Variants in GRIN2B observed in about 807,000 individuals in gnomAD.
The protein encoded by GRIN2B is glutamate receptor ionotropic, NMDA 2B.
Under a neutral mutation model 114.5 loss-of-function variants are expected in GRIN2B, and 5 were observed. That is an observed-to-expected ratio of 0.04 (90% CI 0.02 to 0.09). GRIN2B has a LOEUF of 0.09. GRIN2B is among the 10% of genes least tolerant of loss of function. The pLI is 1.00. For missense variants in GRIN2B, 1,108 were observed against 1,943.5 expected, an observed-to-expected ratio of 0.57 and a Z score of 8.08; for synonymous variants, 787 against 745.1, an observed-to-expected ratio of 1.06 and a Z score of -0.92.
intron 10 of GRIN2B, among the ~76,000 whole-genome samples, chr12:13,589,761 G>A (rs985842181): frequency 4.6e-5 from 7 of 152,124 alleles, no homozygotes; most frequent in African/African-American, 1.2e-4. Context: ...AATTTGCCAG[G>A]AAAAACCCTA....
chr12:13,684,613 T>C (rs183941732), intron 4 of GRIN2B, among the ~76,000 whole-genome samples: 1 of 152,328 alleles, frequency 6.6e-6, no homozygotes, highest in African/African-American at 2.4e-5. Flanking sequence ...GTAGCTTTTC[T>C]GCATAATGTT....
Position 13,879,367 on chromosome 12 carries a change from C to T in GRIN2B, c.-18-13141G>A, listed in dbSNP as rs572621825. 1.6e-4 allele frequency among the ~76,000 whole-genome samples: 25 copies of T among 152,088 alleles called. 1 individual carries two copies. Among genetic ancestry groups the T allele is most frequent in the Admixed American group, 1.5e-3 (23 of 15,278 alleles). Reference sequence around the variant, plus strand: ...ATCTAACATAGAAGATGTGCAGTAACGATACAGTATTATGATCTTACAGAA... The same window carrying T: ...ATCTAACATAGAAGATGTGCAGTAATGATACAGTATTATGATCTTACAGAA... On this transcript the variant is annotated intron_variant, in intron 2 of 13. Transcript: ENST00000609686.
intron 2 of GRIN2B, among the ~76,000 whole-genome samples, chr12:13,953,251 G>T (rs1393041632): frequency 2.0e-5 from 3 of 152,032 alleles, no homozygotes; most frequent in East Asian, 3.9e-4. Flanking sequence ...TTCTGACCTG[G>T]CCTCAGAAGT....
intron 12 of GRIN2B, among the ~76,000 whole-genome samples, chr12:13,568,700 G>C (rs1486053272): frequency 6.6e-6 from 1 of 152,232 alleles, no homozygotes; most frequent in Non-Finnish European, 1.5e-5. Context: ...TTGGCTGATG[G>C]CTGGTGAAGC....
intron 3 of GRIN2B, among the ~76,000 whole-genome samples, chr12:13,775,864 G>A (rs1863994280): frequency 1.3e-5 from 2 of 152,120 alleles, no homozygotes; most frequent in Admixed American, 6.5e-5. Context: ...CTTCCCCAGT[G>A]TGGCAATTCC....
Position 13,927,982 on chromosome 12 carries a change from A to AAAAAAAAAAG in GRIN2B, c.-19+51945_-19+51946insCTTTTTTTTT, listed in dbSNP as rs71067738. ...ACCCTGTCTCAAAAAAAAAAAAAAA[A>AAAAAAAAAAG]GGGGGGGTATGCTGTGGAAAGGATG... On this transcript the variant is annotated intron_variant, in intron 2 of 13. Coordinates refer to ENST00000609686, the MANE Select transcript of GRIN2B (RefSeq NM_000834.5). Among the ~76,000 whole-genome samples, 280 of 129,062 alleles carry AAAAAAAAAAG rather than the reference A, an allele frequency of 2.2e-3. 1 individual carries two copies. The highest frequency in any genetic ancestry group is 4.6e-3 in the Middle Eastern group (1 of 218). The allele number at this position is 129,062 out of a possible 152,430, so 84.7% of individuals were successfully genotyped here. A position where few individuals can be genotyped will look rare whatever the true frequency, so the allele number is the denominator to read the frequency against.
intron 3 of GRIN2B, among the ~76,000 whole-genome samples, chr12:13,766,408 A>G (rs1279066881): frequency 6.6e-6 from 1 of 152,164 alleles, no homozygotes; most frequent in Non-Finnish European, 1.5e-5. Flanking sequence ...AGTTTTGTGC[A>G]GTGAGCAAAG....
At chr12:13,643,412 T>G (rs1034002188) in intron 5 of GRIN2B, among the ~76,000 whole-genome samples, 1 of 152,176 alleles carries the variant, frequency 6.6e-6, no homozygotes, top group African/African-American at 2.4e-5. Flanking sequence ...TTAAAAATAC[T>G]TCGTTGCTAG....
chr12:13,821,132 T>C (rs1245523450), intron 3 of GRIN2B, among the ~76,000 whole-genome samples: 1 of 152,080 alleles, frequency 6.6e-6, no homozygotes, highest in Non-Finnish European at 1.5e-5. Context: ...TTTTCTTGAA[T>C]GCTTTCCTAC....
At chr12:13,611,649 A>G in intron 9 of GRIN2B, 76 bp downstream of exon 9, 1 of 1,393,178 alleles carries the variant, frequency 7.2e-7, no homozygotes, top group South Asian at 1.2e-5. Context: ...AAATGCAGAT[A>G]ACAAATGAGG....
chr12:13,691,789 A>G (rs1254162722), intron 4 of GRIN2B, among the ~76,000 whole-genome samples: 1 of 152,192 alleles, frequency 6.6e-6, no homozygotes, highest in Admixed American at 6.5e-5. Flanking sequence ...TAACATCTCC[A>G]TGGCAACCAC....
chr12:13,810,219 A>ATTT lies in GRIN2B; in HGVS notation c.411+55576_411+55578dup, dbSNP rs35175755. Reference sequence around the variant, plus strand: ...ATAGTACTTAATTCTGTCTCAAATCATTTTTTTTTTTTTCGAGACAGAGGC... The same window carrying ATTT: ...ATAGTACTTAATTCTGTCTCAAATCATTTTTTTTTTTTTTTTCGAGACAGAGGC... On this transcript the variant is annotated intron_variant, in intron 3 of 13. Transcript: ENST00000609686. Among the ~76,000 whole-genome samples the ATTT allele has an allele frequency of 2.9e-5, 4 of 137,468 alleles. No homozygotes were observed. The South Asian group carries it at 9.4e-4, about 32-fold the overall frequency. The allele number at this position is 137,468 out of a possible 152,430, so 90.2% of individuals were successfully genotyped here.
chr12:13,638,714 C>T (rs1467263338), intron 5 of GRIN2B, among the ~76,000 whole-genome samples: 1 of 152,094 alleles, frequency 6.6e-6, no homozygotes, highest in Admixed American at 6.6e-5. Context: ...CAGCCCTTGA[C>T]ACTAAAAAAC....
At position 13,562,382 on chromosome 12, in the gene GRIN2B, A is replaced by AT. The variant is rs1948556478; in HGVS notation, c.*400_*401insA. 1 of 208,656 alleles carries AT rather than the reference A, an allele frequency of 4.8e-6. No individual in the cohort carries two copies. Among genetic ancestry groups the AT allele is most frequent in the Non-Finnish European group, 9.7e-6 (1 of 103,228 alleles). The allele number at this position is 208,656 out of a possible 1,614,324, so 12.9% of individuals were successfully genotyped here. A position where few individuals can be genotyped will look rare whatever the true frequency, so the allele number is the denominator to read the frequency against. On this transcript the variant is annotated 3_prime_UTR_variant, in exon 14 of 14. Transcript: ENST00000609686. ...ACCTAAATGAAAAGATCAGTTTGGG[A>AT]AAAGCTACCTTTGTGCTCACATAGC...
At chr12:13,971,938 G>C (rs1350737256) in intron 2 of GRIN2B, among the ~76,000 whole-genome samples, 1 of 152,138 alleles carries the variant, frequency 6.6e-6, no homozygotes, top group African/African-American at 2.4e-5. Flanking sequence ...TATCCCAACA[G>C]CATTTTTTTT....
intron 10 of GRIN2B, among the ~76,000 whole-genome samples, chr12:13,607,229 T>TAAAATATATTATATAAA (rs1949269531): frequency 1.0e-5 from 1 of 97,430 alleles, no homozygotes; most frequent in African/African-American, 4.8e-5. Context: ...ATAAAATATA[T>TAAAATATATTATATAAA]AATATATATT....
At chr12:13,817,438 C>T (rs1056050389) in intron 3 of GRIN2B, among the ~76,000 whole-genome samples, 2 of 152,162 alleles carry the variant, frequency 1.3e-5, no homozygotes, top group South Asian at 2.1e-4. Flanking sequence ...GGTCCACACA[C>T]GAGCCACAGG....
intron 4 of GRIN2B, among the ~76,000 whole-genome samples, chr12:13,732,584 T>G (rs999627889): frequency 1.3e-4 from 20 of 152,220 alleles, no homozygotes; most frequent in Non-Finnish European, 2.6e-4. Flanking sequence ...TATACCAATG[T>G]GAGACATGTA....
intron 5 of GRIN2B, among the ~76,000 whole-genome samples, chr12:13,618,415 C>T (rs1222167719): frequency 6.6e-6 from 1 of 152,190 alleles, no homozygotes; most frequent in Non-Finnish European, 1.5e-5. Context: ...CATCTTCCCT[C>T]AACAGTCCCT....
Sources: allele counts gnomAD v4.1 joint callset (sites outside exome capture counted in the v4.1 genomes callset), GRCh38; gene constraint gnomAD v4.1.1; transcripts MANE v1.5; gene names NCBI Gene and HGNC (gene_info 2026-07-23, HGNC 2026-07-21).